GPR26: variants seen among roughly 807,000 people sequenced by gnomAD.
GPR26 encodes G protein-coupled receptor 26.
Under a neutral mutation model 23.1 loss-of-function variants are expected in GPR26, and 15 were observed. That is an observed-to-expected ratio of 0.65 (90% CI 0.43 to 1.00). The LOEUF (loss-of-function observed/expected upper bound fraction) is 1.00, where lower values mean the gene tolerates loss of function less well. GPR26 is among the 50% of genes least tolerant of loss of function. The pLI, the probability that GPR26 is intolerant of heterozygous loss-of-function variation, is 0.00. For synonymous variants in GPR26, 228 were observed against 222.1 expected, an observed-to-expected ratio of 1.03 and a Z score of -0.24; for missense variants, 359 against 470.5, an observed-to-expected ratio of 0.76 and a Z score of 2.19.
In GPR26 at chr10:123,688,089, A is replaced by G; in HGVS notation, c.943A>G (p.Arg315Gly). 6.2e-7 allele frequency: 1 copy of G among 1,613,992 alleles called. No individual in the cohort carries two copies. Among genetic ancestry groups the G allele is most frequent in the African/African-American group, 1.3e-5 (1 of 75,070 alleles). Reference sequence around the variant, plus strand: ...GGAGATTCTGAACAGGCTCCTGCACAGACGCTCCATCCACTCCTCTGGCCT... The same window carrying G: ...GGAGATTCTGAACAGGCTCCTGCACGGACGCTCCATCCACTCCTCTGGCCT... ...CKEILNRLLH[R>G]RSIHSSGLTG... The change falls in exon 3 of 3, where the codon AGA (arginine) becomes GGA (glycine). Residue 315 changes from arginine (R) to glycine (G), a missense_variant. Physicochemically the swap from Arg to Gly is moderately radical, Grantham distance 125. Transcript: ENST00000284674.
Position 123,688,626 on chromosome 10 carries a change from CATGG to C in GPR26, c.*467_*470del. ...CAGTGGTCATTTGGCCCGGATCTAA[CATGG>C]CACCTCGTCTCCACAGGGTAGTGGT... On this transcript the variant is annotated 3_prime_UTR_variant, in exon 3 of 3. Transcript: ENST00000284674. 5.4e-6 allele frequency: 1 copy of C among 186,230 alleles called. No individual in the cohort carries two copies. Among genetic ancestry groups the C allele is most frequent in the Non-Finnish European group, 1.1e-5 (1 of 88,516 alleles). The allele number at this position is 186,230 out of a possible 1,614,324, so 11.5% of individuals were successfully genotyped here.
At chr10:123,667,199 G>C in intron 1 of GPR26, 124 bp downstream of exon 1, 1 of 768,878 alleles carries the variant, frequency 1.3e-6, no homozygotes, top group Non-Finnish European at 2.0e-6. Context: ...TCGAGGGTGG[G>C]GAAAGCGGCC....
chr10:123,687,566 G>A (rs1032231989), intron 2 of GPR26, among the ~76,000 whole-genome samples: 4 of 152,138 alleles, frequency 2.6e-5, no homozygotes, highest in South Asian at 2.1e-4. Context: ...AGAGTCAGAC[G>A]GACCTAGGTT....
intron 2 of GPR26, among the ~76,000 whole-genome samples, chr10:123,682,397 GC>G (rs1845387803): frequency 6.6e-6 from 1 of 152,148 alleles, no homozygotes; most frequent in Admixed American, 6.5e-5. Context: ...GGCACACGAG[GC>G]CACAGTGGGA....
rs1845184164 is a variant in GPR26 at position 123,666,500 on chromosome 10, G to A, written c.93G>A (p.Leu31=). The A allele has an allele frequency of 1.9e-6, 3 of 1,571,650 alleles. No individual in the cohort carries two copies. ...LSNALVLLCL[L]HSADIRRQAP... Reference sequence around the variant, plus strand: ...ACGCGCTGGTGCTGCTCTGCCTGCTGCACAGCGCGGACATCCGCCGCCAGG... The same window carrying A: ...ACGCGCTGGTGCTGCTCTGCCTGCTACACAGCGCGGACATCCGCCGCCAGG... Residue 31 remains leucine, a synonymous_variant, in exon 1 of 3, where the codon CTG becomes CTA. Transcript: ENST00000284674.
chr10:123,686,025 G>T (rs1392113831), intron 2 of GPR26, among the ~76,000 whole-genome samples: 2 of 152,186 alleles, frequency 1.3e-5, no homozygotes, highest in Non-Finnish European at 2.9e-5. Flanking sequence ...AAATGCAATA[G>T]ATTTTACCTC....
chr10:123,678,233 G>A (rs1302571460), intron 2 of GPR26, among the ~76,000 whole-genome samples: 6 of 152,186 alleles, frequency 3.9e-5, no homozygotes, highest in Non-Finnish European at 1.5e-5. Context: ...TTCTCTCTCT[G>A]TCAGCCCTCA....
intron 2 of GPR26, among the ~76,000 whole-genome samples, chr10:123,683,008 G>T (rs1443602396): frequency 1.3e-5 from 2 of 149,486 alleles, no homozygotes; most frequent in Non-Finnish European, 3.0e-5. Flanking sequence ...ACATGTGTAT[G>T]TATGTATGTG....
intron 1 of GPR26, among the ~76,000 whole-genome samples, chr10:123,667,651 G>A (rs1845203741): frequency 2.6e-5 from 4 of 151,194 alleles, no homozygotes. Flanking sequence ...GCCCTGAGGG[G>A]TGGGGTGGGG....
rs1295705255 is a variant in GPR26, at chr10:123,695,161, G to A, written c.*7001G>A. On this transcript the variant is annotated 3_prime_UTR_variant, in exon 3 of 3. Transcript: ENST00000284674. ...TGTAAATAGCATCTAGCATTTAAAGGTCAAATTTGATGAGTCTAATCAATC... is the reference window on the plus strand; with the variant it reads ...TGTAAATAGCATCTAGCATTTAAAGATCAAATTTGATGAGTCTAATCAATC... Among the ~76,000 whole-genome samples, 1 of 152,220 alleles carries A rather than the reference G, an allele frequency of 6.6e-6. No homozygotes were observed. Among genetic ancestry groups the A allele is most frequent in the Non-Finnish European group, 1.5e-5 (1 of 68,046 alleles).
At chr10:123,668,255 G>A (rs1341554042) in intron 1 of GPR26, among the ~76,000 whole-genome samples, 2 of 152,212 alleles carry the variant, frequency 1.3e-5, no homozygotes, top group East Asian at 1.9e-4. Flanking sequence ...TTTCCTGCAC[G>A]AGAGCAGTAA....
chr10:123,686,895 G>A (rs1322998982), intron 2 of GPR26, among the ~76,000 whole-genome samples: 2 of 152,182 alleles, frequency 1.3e-5, no homozygotes, highest in Admixed American at 6.5e-5. Context: ...AGGAGACAGT[G>A]TTATATGATC....
In GPR26 at chr10:123,666,755, C is replaced by G. The variant is rs773374643; in HGVS notation, c.348C>G (p.Ala116=). 1 of 1,600,846 alleles carries G rather than the reference C, an allele frequency of 6.2e-7. No homozygotes were observed. The highest frequency in any genetic ancestry group is 8.5e-7 in the Non-Finnish European group (1 of 1,177,378). Residue 116 remains alanine, a synonymous_variant, in exon 1 of 3, where the codon GCC becomes GCG. Transcript: ENST00000284674. The stretch of plus-strand genomic sequence containing the variant: ...TGGTCTTCCCGCTGAGCTACCGGGC[C>G]AAGATGCGCCTCCGCGACGCGGCGC... ...VAVVFPLSYR[A]KMRLRDAALM... is the part of the protein sequence containing the mutation.
rs1845497969 is a variant in GPR26 at position 123,692,323 on chromosome 10, C to T, written c.*4163C>T. The stretch of plus-strand genomic sequence containing the variant: ...ATGACATCTGCCACCTCTGCCACTA[C>T]CCAGAGCTTGTCCTGCCCTCTTCCC... On this transcript the variant is annotated 3_prime_UTR_variant, in exon 3 of 3. Transcript: ENST00000284674. 6.6e-6 allele frequency: 1 copy of T among 152,308 alleles called. No homozygotes were observed. The highest frequency in any genetic ancestry group is 1.5e-5 in the Non-Finnish European group (1 of 68,132). 9.4% of individuals were successfully genotyped at this position (152,308 alleles called of 1,614,324 possible).
intron 1 of GPR26, among the ~76,000 whole-genome samples, chr10:123,670,488 T>C (rs1845237106): frequency 6.6e-6 from 1 of 152,216 alleles, no homozygotes; most frequent in Non-Finnish European, 1.5e-5. Flanking sequence ...GCTTACAAAC[T>C]GTTAAATGTG....
chr10:123,683,335 T>C (rs762976744), intron 2 of GPR26, among the ~76,000 whole-genome samples: 4 of 152,146 alleles, frequency 2.6e-5, no homozygotes, highest in East Asian at 1.9e-4. Flanking sequence ...TTCTGTACCA[T>C]AGGGAGAGTG....
rs1422499892 is a variant in GPR26 at position 123,674,114 on chromosome 10, C to T, written c.669-704C>T. Among the ~76,000 whole-genome samples the T allele has an allele frequency of 3.3e-5, 5 of 152,130 alleles. No homozygotes were observed. The highest frequency in any genetic ancestry group is 7.2e-5 in the African/African-American group (3 of 41,424). On this transcript the variant is annotated intron_variant, in intron 1 of 2. Transcript: ENST00000284674. The surrounding 1 kb of genome is among the most constrained non-coding windows in gnomAD (Gnocchi z 4.1). The stretch of plus-strand genomic sequence containing the variant: ...CTGGGATTACAGGAGCCCACCACCA[C>T]GCATGGCTAATTTTTGTATTTTTGG...
At chr10:123,670,920 A>G (rs558471764) in intron 1 of GPR26, among the ~76,000 whole-genome samples, 4 of 152,268 alleles carry the variant, frequency 2.6e-5, no homozygotes, top group South Asian at 4.2e-4. Context: ...CCTTAGCCCT[A>G]TGAACTCTTT....
Position 123,666,576 on chromosome 10 carries a change from G to C in GPR26, c.169G>C (p.Val57Leu). ...NLTCGNLLCT[V>L]VNMPLTLAGV... ...CACGTGCGGGAACCTGCTGTGCACC[G>C]TGGTCAACATGCCGCTCACGCTGGC... The change falls in exon 1 of 3, where the codon GTG (valine) becomes CTG (leucine). Residue 57 changes from valine to leucine, a missense_variant. Val to Leu is a conservative substitution (Grantham distance 32, BLOSUM62 1). Transcript: ENST00000284674. The C allele has an allele frequency of 6.3e-7, 1 of 1,597,548 alleles. No homozygotes were observed.
Sources: allele counts gnomAD v4.1 joint callset (sites outside exome capture counted in the v4.1 genomes callset), GRCh38; gene constraint gnomAD v4.1.1; non-coding constraint Gnocchi (gnomAD v3.1); transcripts MANE v1.5; gene names NCBI Gene and HGNC (gene_info 2026-07-23, HGNC 2026-07-21).